The following FBXL13 variants were observed in gnomAD, a reference collection of about 807,000 sequenced individuals.
The protein encoded by FBXL13 is F-box and leucine rich repeat protein 13.
Under a neutral mutation model 83.6 loss-of-function variants are expected in FBXL13, and 67 were observed. That is an observed-to-expected ratio of 0.80 (90% CI 0.66 to 0.98). The LOEUF (loss-of-function observed/expected upper bound fraction) is 0.98, where lower values mean the gene tolerates loss of function less well. FBXL13 is among the 50% of genes least tolerant of loss of function. The pLI is 0.00. For synonymous variants in FBXL13, 272 were observed against 299.5 expected (o/e 0.91, Z 0.95); for missense variants, 822 against 866.5 (o/e 0.95, Z 0.64).
At chr7:102,856,493 T>A (rs1296606319) in intron 16 of FBXL13, among the ~76,000 whole-genome samples, 4 of 152,278 alleles carry the variant, frequency 2.6e-5, no homozygotes, top group Admixed American at 6.5e-5. Context: ...TAGAATTTTT[T>A]AAGATAAGCT....
At chr7:102,876,574 C>T (rs1809299191) in intron 16 of FBXL13, among the ~76,000 whole-genome samples, 1 of 149,920 alleles carries the variant, frequency 6.7e-6, no homozygotes, top group South Asian at 2.1e-4. Flanking sequence ...AAACACATAA[C>T]AGATGTCTGC....
intron 6 of FBXL13, among the ~76,000 whole-genome samples, chr7:103,010,738 C>T (rs551684998): frequency 1.2e-4 from 19 of 152,312 alleles, no homozygotes; most frequent in African/African-American, 4.6e-4. Flanking sequence ...TGGTCCCCAG[C>T]TTCATTCCTC....
At chr7:103,054,206 G>A (rs987039512) in intron 2 of FBXL13, among the ~76,000 whole-genome samples, 1 of 152,060 alleles carries the variant, frequency 6.6e-6, no homozygotes, top group African/African-American at 2.4e-5. Context: ...CCAACATGGT[G>A]AAACCCCGTT....
At chr7:102,894,383 C>A (rs899941034) in intron 11 of FBXL13, among the ~76,000 whole-genome samples, 2 of 152,066 alleles carry the variant, frequency 1.3e-5, no homozygotes, top group African/African-American at 4.8e-5. Context: ...AGAATACTGT[C>A]CCTTTTCATT....
intron 9 of FBXL13, among the ~76,000 whole-genome samples, chr7:102,930,672 T>G (rs1341248501): frequency 6.6e-6 from 1 of 152,200 alleles, no homozygotes; most frequent in Non-Finnish European, 1.5e-5. Context: ...TCAACCTACT[T>G]CTCTTACTAT....
chr7:102,896,435 C>T (rs1003912904), intron 11 of FBXL13, among the ~76,000 whole-genome samples: 1 of 152,186 alleles, frequency 6.6e-6, no homozygotes, highest in African/African-American at 2.4e-5. Context: ...CAGGAATAGT[C>T]AACTGCACTT....
intron 6 of FBXL13, among the ~76,000 whole-genome samples, chr7:103,014,082 C>T (rs756301208): frequency 3.9e-5 from 6 of 151,988 alleles, no homozygotes; most frequent in Admixed American, 6.6e-5. Context: ...AAAGATTGAA[C>T]GAGGAAGAGA....
At chr7:102,990,034 T>G (rs1297607512) in intron 6 of FBXL13, among the ~76,000 whole-genome samples, 2 of 152,362 alleles carry the variant, frequency 1.3e-5, no homozygotes, top group Non-Finnish European at 2.9e-5. Flanking sequence ...ACATCATAAG[T>G]AGCACTGGCT....
intron 6 of FBXL13, among the ~76,000 whole-genome samples, chr7:103,024,658 A>G (rs1054006524): frequency 6.6e-6 from 1 of 150,720 alleles, no homozygotes; most frequent in Non-Finnish European, 1.5e-5. Flanking sequence ...CAATATAAAG[A>G]GCTACTACAA....
intron 6 of FBXL13, among the ~76,000 whole-genome samples, chr7:102,990,482 T>G (rs1829448312): frequency 1.3e-5 from 2 of 152,234 alleles, no homozygotes; most frequent in African/African-American, 2.4e-5. Flanking sequence ...CATTCGATCA[T>G]TCAACCAATA....
intron 10 of FBXL13, among the ~76,000 whole-genome samples, chr7:102,922,747 C>A (rs1049317961): frequency 3.3e-5 from 5 of 151,706 alleles, no homozygotes; most frequent in African/African-American, 7.3e-5. Flanking sequence ...CCGAGGCGGG[C>A]GGATCACGAG....
At chr7:102,975,496 G>A (rs1264032881) in intron 6 of FBXL13, among the ~76,000 whole-genome samples, 1 of 152,168 alleles carries the variant, frequency 6.6e-6, no homozygotes, top group African/African-American at 2.4e-5. Context: ...TTATCAAGAT[G>A]GGGCCTCTGG....
intron 16 of FBXL13, among the ~76,000 whole-genome samples, chr7:102,856,453 C>T (rs1210552432): frequency 6.6e-6 from 1 of 152,124 alleles, no homozygotes; most frequent in Non-Finnish European, 1.5e-5. Context: ...CTGAAGTTTT[C>T]ACTTAGATTT....
chr7:102,827,278 A>C, intron 18 of FBXL13: 1 of 341,162 alleles, frequency 2.9e-6, no homozygotes, highest in Non-Finnish European at 6.5e-6. Context: ...ACCAGCTCTA[A>C]GGGGAGTCAA....
chr7:103,017,720 A>T (rs1158606746), intron 6 of FBXL13, among the ~76,000 whole-genome samples: 2 of 152,234 alleles, frequency 1.3e-5, no homozygotes, highest in Non-Finnish European at 2.9e-5. Context: ...AAGAAAGGGT[A>T]TCAGTGATTG....
chr7:102,935,974 G>C (rs1451517258), intron 8 of FBXL13, among the ~76,000 whole-genome samples: 1 of 152,124 alleles, frequency 6.6e-6, no homozygotes, highest in Non-Finnish European at 1.5e-5. Flanking sequence ...TCCTGAACCA[G>C]AAGTAAATTT....
At chr7:102,902,058 A>T (rs532778996) in intron 11 of FBXL13, among the ~76,000 whole-genome samples, 3 of 152,304 alleles carry the variant, frequency 2.0e-5, no homozygotes, top group South Asian at 4.1e-4. Context: ...CCAGCAGTGT[A>T]CTATGGTTCT....
intron 11 of FBXL13, among the ~76,000 whole-genome samples, chr7:102,899,125 G>A (rs2129464142): frequency 6.6e-6 from 1 of 152,194 alleles, no homozygotes; most frequent in Middle Eastern, 3.4e-3. Context: ...ATTTTGGCCA[G>A]GCTGGTCTCA....
chr7:102,971,773 C>T (rs1291294442), intron 6 of FBXL13, among the ~76,000 whole-genome samples: 1 of 152,196 alleles, frequency 6.6e-6, no homozygotes, highest in African/African-American at 2.4e-5. Flanking sequence ...TGCCCGTAAT[C>T]CCAGCACTTT....
Sources: allele counts gnomAD v4.1 joint callset (sites outside exome capture counted in the v4.1 genomes callset), GRCh38; gene constraint gnomAD v4.1.1; transcripts MANE v1.5; gene names NCBI Gene and HGNC (gene_info 2026-07-23, HGNC 2026-07-21).